CEP85L: variants seen among roughly 807,000 people sequenced by gnomAD.
CEP85L encodes centrosomal protein 85L.
CEP85L carries 60 observed loss-of-function variants against 100.3 expected under a neutral mutation model. The observed-to-expected ratio is 0.60, with a 90% CI of 0.49 to 0.74. The LOEUF is 0.74. Ranked by LOEUF, CEP85L falls within the 30% of genes least tolerant of loss-of-function variation. The probability of loss-of-function intolerance (pLI) is 0.00; values close to 1 mark genes in which losing one functional copy is unlikely to be tolerated. For missense variants in CEP85L, 973 were observed against 936.2 expected (o/e 1.04, Z -0.51); for synonymous variants, 319 against 322.7 (o/e 0.99, Z 0.12).
At chr6:118,506,428 A>T (rs1420460359) in intron 5 of CEP85L, among the ~76,000 whole-genome samples, 1 of 152,174 alleles carries the variant, frequency 6.6e-6, no homozygotes, top group Non-Finnish European at 1.5e-5. Context: ...GAAAGTCTAT[A>T]AAGAAGGAAG....
intron 5 of CEP85L, chr6:118,501,516 T>A (rs771857269): frequency 2.5e-5 from 12 of 481,518 alleles, no homozygotes; most frequent in Non-Finnish European, 4.0e-5. Context: ...GGCTACTCCA[T>A]CATCATTAAA....
chr6:118,600,370 T>TGTGTGTGTGTGTGTG (rs58066356), intron 2 of CEP85L, among the ~76,000 whole-genome samples: 3 of 86,434 alleles, frequency 3.5e-5, no homozygotes, highest in Non-Finnish European at 7.7e-5. Context: ...TGTGTGTGTG[T>TGTGTGTGTGTGTGTG]AACGCCATGG....
chr6:118,569,425 C>T (rs1012021326), intron 2 of CEP85L, among the ~76,000 whole-genome samples: 6 of 146,796 alleles, frequency 4.1e-5, no homozygotes, highest in South Asian at 2.1e-4. Context: ...CAAACCTGCA[C>T]GTTGTGCATA....
upstream of CEP85L, among the ~76,000 whole-genome samples, chr6:118,655,069 A>C (rs554693179): frequency 8.5e-5 from 13 of 152,322 alleles, no homozygotes; most frequent in Non-Finnish European, 1.8e-4. Context: ...ATATATACCA[A>C]ATTTTTGGGA....
chr6:118,490,678 A>G (rs1462149974), intron 6 of CEP85L, among the ~76,000 whole-genome samples: 1 of 152,238 alleles, frequency 6.6e-6, no homozygotes, highest in Non-Finnish European at 1.5e-5. Context: ...TAATTTCTCC[A>G]AAATGCTAAA....
At chr6:118,663,925 C>CTTT (rs1310112453) in intron 1 of CEP85L, among the ~76,000 whole-genome samples, 3 of 135,556 alleles carry the variant, frequency 2.2e-5, no homozygotes, top group Non-Finnish European at 3.2e-5. Context: ...GAAGTTTTTC[C>CTTT]TTTTTTTTTT....
chr6:118,465,227 G>C lies in CEP85L; in HGVS notation c.*178C>G, dbSNP rs1254689189. ...AGGTAATTTGATTTTTTTTCTTTTT[G>C]CCTGATTAGATAAGCCCCTTCAAAA... On this transcript the variant is annotated 3_prime_UTR_variant, in exon 13 of 13. Coordinates refer to ENST00000368491, the MANE Select transcript of CEP85L (RefSeq NM_001042475.3). 1.3e-5 allele frequency: 6 copies of C among 472,488 alleles called. No homozygotes were observed. In the East Asian group the frequency reaches 1.4e-4, roughly 11 times the overall value. 29.3% of individuals were successfully genotyped at this position (472,488 alleles called of 1,614,324 possible).
At chr6:118,703,208 G>C (rs1438086176) in intron 1 of CEP85L, among the ~76,000 whole-genome samples, 1 of 151,916 alleles carries the variant, frequency 6.6e-6, no homozygotes, top group Non-Finnish European at 1.5e-5. Flanking sequence ...TTATTTATTT[G>C]TTTGTTTGCT....
intron 10 of CEP85L, among the ~76,000 whole-genome samples, chr6:118,472,285 A>G (rs558547034): frequency 4.1e-4 from 63 of 152,262 alleles, no homozygotes; most frequent in African/African-American, 1.4e-3. Flanking sequence ...CTCCATCAGA[A>G]AAACTGAAAA....
chr6:118,562,030 G>C (rs947099038), intron 3 of CEP85L, among the ~76,000 whole-genome samples: 4 of 152,128 alleles, frequency 2.6e-5, no homozygotes, highest in African/African-American at 9.6e-5. Context: ...ATATTACATA[G>C]AAAACTTGAC....
chr6:118,500,410 C>T (rs1455507693), intron 5 of CEP85L, among the ~76,000 whole-genome samples: 1 of 39,172 alleles, frequency 2.6e-5, no homozygotes, highest in East Asian at 3.4e-4. Flanking sequence ...GACCATCACT[C>T]CCTGGCGCTG....
At chr6:118,470,388 T>C (rs1433910817) in intron 11 of CEP85L, 149 bp downstream of exon 11, 8 of 447,900 alleles carry the variant, frequency 1.8e-5, no homozygotes, top group Non-Finnish European at 3.2e-5. Flanking sequence ...TTTGTCTTTT[T>C]ATAATAATTT....
At chr6:118,543,895 T>C (rs1021231570) in intron 3 of CEP85L, among the ~76,000 whole-genome samples, 4 of 152,012 alleles carry the variant, frequency 2.6e-5, no homozygotes, top group Non-Finnish European at 5.9e-5. Flanking sequence ...CAACGAAGGG[T>C]AGAAAAACTA....
chr6:118,594,391 T>C (rs1056710425), intron 2 of CEP85L, among the ~76,000 whole-genome samples: 6 of 152,316 alleles, frequency 3.9e-5, no homozygotes, highest in South Asian at 2.1e-4. Flanking sequence ...TATGATTAAA[T>C]TGAAGTTCAT....
At position 118,595,230 on chromosome 6, in the gene CEP85L, T is replaced by C. The variant is rs533824211; in HGVS notation, c.233-28914A>G. Among the ~76,000 whole-genome samples the C allele has an allele frequency of 2.0e-5, 3 of 152,308 alleles. No homozygotes were observed. The South Asian group carries it at 6.2e-4, about 32-fold the overall frequency. On this transcript the variant is annotated intron_variant, in intron 2 of 12. Transcript: ENST00000368491. ...CTAGGAAAACACTGGGGATCAGCTA[T>C]GTACCTTATGTTACAATTTGGTAGC...
chr6:118,498,791 C>T (rs986599573), intron 5 of CEP85L, among the ~76,000 whole-genome samples: 3 of 152,164 alleles, frequency 2.0e-5, no homozygotes, highest in African/African-American at 7.2e-5. Flanking sequence ...CTGTAGACTA[C>T]TCATCCAAAA....
At chr6:118,703,877 C>A (rs1562367885) in intron 1 of CEP85L, among the ~76,000 whole-genome samples, 1 of 152,144 alleles carries the variant, frequency 6.6e-6, no homozygotes, top group South Asian at 2.1e-4. Context: ...TTAATATGTA[C>A]ATCATATTCT....
intron 2 of CEP85L, among the ~76,000 whole-genome samples, chr6:118,580,172 C>T (rs1780488158): frequency 6.6e-6 from 1 of 152,216 alleles, no homozygotes; most frequent in African/African-American, 2.4e-5. Context: ...AGCCCCCTCC[C>T]TCTGTCTCTG....
chr6:118,567,188 T>A (rs1185843207), intron 2 of CEP85L, among the ~76,000 whole-genome samples: 1 of 150,026 alleles, frequency 6.7e-6, no homozygotes, highest in Non-Finnish European at 1.5e-5. Context: ...TGTGTGTACA[T>A]ATATGTATGA....
Sources: allele counts gnomAD v4.1 joint callset (sites outside exome capture counted in the v4.1 genomes callset), GRCh38; gene constraint gnomAD v4.1.1; transcripts MANE v1.5; gene names NCBI Gene and HGNC (gene_info 2026-07-23, HGNC 2026-07-21).